Variants in CCDC80 observed in about 807,000 individuals in gnomAD.
CCDC80 encodes coiled-coil domain containing 80.
CCDC80 carries 49 observed loss-of-function variants against 78.7 expected under a neutral mutation model. The observed-to-expected ratio is 0.62, with a 90% confidence interval of 0.50 to 0.79. The LOEUF is 0.79. CCDC80 is among the 30% of genes least tolerant of loss of function. The pLI, the probability that CCDC80 is intolerant of heterozygous loss-of-function variation, is 0.00. For missense variants in CCDC80, 1,205 were observed against 1,198.6 expected, an observed-to-expected ratio of 1.01 and a Z score of -0.08; for synonymous variants, 488 against 447.0, an observed-to-expected ratio of 1.09 and a Z score of -1.16.
intron 5 of CCDC80, among the ~76,000 whole-genome samples, chr3:112,610,727 A>G (rs1207189741): frequency 6.6e-6 from 1 of 152,030 alleles, no homozygotes; most frequent in East Asian, 1.9e-4. Context: ...AAGTACTTCT[A>G]TAAAGTGGAA....
In CCDC80 at chr3:112,603,661, TAG is replaced by T. The variant is rs1935415281; in HGVS notation, c.*1754_*1755del. The T allele has an allele frequency of 1.3e-5, 2 of 150,956 alleles. No homozygotes were observed. Among genetic ancestry groups the T allele is most frequent in the Non-Finnish European group, 2.9e-5 (2 of 67,838 alleles). 9.4% of individuals were successfully genotyped at this position (150,956 alleles called of 1,614,324 possible). ...ATACCCAGTCACCCAAGAACTTGGA[TAG>T]AGATATACAAGGAGATTAATATTTT... On this transcript the variant is annotated 3_prime_UTR_variant, in exon 8 of 8. Transcript: ENST00000206423.
chr3:112,630,299 C>A (rs903974114), intron 2 of CCDC80, 30 bp from the exon 3 acceptor site: 1 of 1,607,746 alleles, frequency 6.2e-7, no homozygotes, highest in Admixed American at 1.7e-5. Flanking sequence ...AACAAATACT[C>A]ATTTATAGTG....
At chr3:112,612,944 CT>C (rs977212546) in intron 5 of CCDC80, among the ~76,000 whole-genome samples, 10 of 146,784 alleles carry the variant, frequency 6.8e-5, no homozygotes, top group Non-Finnish European at 1.3e-4. Context: ...TCTGGTAGCT[CT>C]TCCTGGATGG....
intron 2 of CCDC80, among the ~76,000 whole-genome samples, chr3:112,635,904 G>T (rs1410536401): frequency 6.6e-6 from 1 of 152,348 alleles, no homozygotes; most frequent in South Asian, 2.1e-4. Flanking sequence ...CACTAAGGGA[G>T]TGGGGAGAAG....
In CCDC80 at chr3:112,605,755, C is replaced by A; in HGVS notation, c.2515G>T (p.Val839Phe). The A allele has an allele frequency of 1.2e-6, 2 of 1,612,914 alleles. No homozygotes were observed. Among genetic ancestry groups the A allele is most frequent in the Non-Finnish European group, 1.7e-6 (2 of 1,179,222 alleles). ...GCTGGTACGTCTTCTCGCTCAACAA[C>A]AGAGCTCCCTAGAATAACATTGGAA... is the stretch of plus-strand genomic sequence containing the variant. ...LELFPINGSS[V>F]VEREDVPAHL... The change falls in exon 8 of 8, where the codon GTT (valine) becomes TTT (phenylalanine). Residue 839 changes from valine to phenylalanine, a missense_variant. Transcript: ENST00000206423.
At chr3:112,625,400 G>C (rs765772419) in intron 3 of CCDC80, among the ~76,000 whole-genome samples, 1 of 152,176 alleles carries the variant, frequency 6.6e-6, no homozygotes, top group Non-Finnish European at 1.5e-5. Flanking sequence ...CTGTTTCTTA[G>C]ACTGTATTGG....
At chr3:112,625,601 A>T (rs901632390) in intron 3 of CCDC80, among the ~76,000 whole-genome samples, 3 of 152,222 alleles carry the variant, frequency 2.0e-5, no homozygotes, top group African/African-American at 7.2e-5. Flanking sequence ...CTCATAAAGA[A>T]AGATCTCCTA....
chr3:112,608,120 A>T (rs1173946577), intron 6 of CCDC80, among the ~76,000 whole-genome samples: 1 of 152,256 alleles, frequency 6.6e-6, no homozygotes, highest in African/African-American at 2.4e-5. Flanking sequence ...TTTGAAGATG[A>T]AGTGGATATG....
intron 3 of CCDC80, among the ~76,000 whole-genome samples, chr3:112,626,791 G>A (rs78475158): frequency 0.018 from 2,698 of 152,252 alleles, 46 homozygotes; most frequent in South Asian, 0.054. Flanking sequence ...CAAGTGATCA[G>A]CCTACGTCGG....
chr3:112,605,293 T>C lies in CCDC80; in HGVS notation c.*124A>G. 1.6e-6 allele frequency: 1 copy of C among 634,340 alleles called. No homozygotes were observed. Among genetic ancestry groups the C allele is most frequent in the Admixed American group, 3.2e-5 (1 of 31,092 alleles). The allele number at this position is 634,340 out of a possible 1,614,324, so 39.3% of individuals were successfully genotyped here. A position where few individuals can be genotyped will look rare whatever the true frequency, so the allele number is the denominator to read the frequency against. ...GTGAAAGTTTGCTATTTATTTAGTC[T>C]TAGAAAAACACTGAAAGAAAAAGGC... On this transcript the variant is annotated 3_prime_UTR_variant, in exon 8 of 8. Coordinates refer to ENST00000206423, the MANE Select transcript of CCDC80 (RefSeq NM_199511.3).
chr3:112,616,687 T>C (rs746828609), intron 5 of CCDC80, 23 bp downstream of exon 5: 4 of 1,613,656 alleles, frequency 2.5e-6, no homozygotes, highest in Non-Finnish European at 3.4e-6. Context: ...CCTTCCTCTT[T>C]AGCGACTCCA....
chr3:112,632,521 A>G (rs1473064479), intron 2 of CCDC80, among the ~76,000 whole-genome samples: 13 of 152,162 alleles, frequency 8.5e-5, no homozygotes, highest in African/African-American at 3.1e-4. Flanking sequence ...GACCCTTACA[A>G]TCTGTGGACA....
At position 112,597,744 on chromosome 3, in the gene CCDC80, T is replaced by C. The variant is rs565990083; in HGVS notation, c.*7673A>G. ...GTGCGTGAAAGGAAGAGCAATGTTATAATTGCATCCTCCTAAAGACTACAT... is the reference window on the plus strand; with the variant it reads ...GTGCGTGAAAGGAAGAGCAATGTTACAATTGCATCCTCCTAAAGACTACAT... On this transcript the variant is annotated 3_prime_UTR_variant, in exon 8 of 8. Coordinates refer to ENST00000206423, the MANE Select transcript of CCDC80 (RefSeq NM_199511.3). 2 of 152,292 alleles carry C rather than the reference T, an allele frequency of 1.3e-5. No individual in the cohort carries two copies. The highest frequency in any genetic ancestry group is 1.3e-4 in the Admixed American group (2 of 15,286). The allele number at this position is 152,292 out of a possible 1,614,324, so 9.4% of individuals were successfully genotyped here. A position where few individuals can be genotyped will look rare whatever the true frequency, so the allele number is the denominator to read the frequency against.
At chr3:112,620,449 T>C (rs1935843274) in intron 3 of CCDC80, among the ~76,000 whole-genome samples, 1 of 152,114 alleles carries the variant, frequency 6.6e-6, no homozygotes, top group Non-Finnish European at 1.5e-5. Flanking sequence ...ATTTTTGTTA[T>C]TAGAAAAAAT....
intron 5 of CCDC80, among the ~76,000 whole-genome samples, chr3:112,615,950 T>C (rs1935730901): frequency 6.6e-6 from 1 of 152,268 alleles, no homozygotes; most frequent in African/African-American, 2.4e-5. Flanking sequence ...GCTCTGTCTA[T>C]GGAGTAGCTG....
Position 112,639,475 on chromosome 3 carries a change from C to T in CCDC80, c.431G>A (p.Ser144Asn). 2.5e-6 allele frequency: 4 copies of T among 1,614,212 alleles called. No individual in the cohort carries two copies. The highest frequency in any genetic ancestry group is 3.4e-6 in the Non-Finnish European group (4 of 1,180,044). ...SGSSSPNILA[S>N]FAGKNRVWVI... ...CCATACTCTGTTCTTCCCTGCAAAG[C>T]TGGCAAGGATGTTGGGAGAGCTGGA... Residue 144 changes from serine (S) to asparagine (N), a missense_variant, in exon 2 of 8, where the codon AGC (serine) becomes AAC (asparagine). By Grantham distance (46) the Ser-to-Asn change is conservative (BLOSUM62 1). Transcript: ENST00000206423.
At chr3:112,615,337 C>T (rs1239918475) in intron 5 of CCDC80, among the ~76,000 whole-genome samples, 1 of 152,086 alleles carries the variant, frequency 6.6e-6, no homozygotes, top group East Asian at 1.9e-4. Context: ...GAGGCTCAAG[C>T]ACTAAATGTG....
At position 112,607,250 on chromosome 3, in the gene CCDC80, C is replaced by T. The variant is rs769345375; in HGVS notation, c.2432G>A (p.Arg811His). The change falls in exon 7 of 8, where the codon CGC becomes CAC. Residue 811 changes from arginine to histidine, a missense_variant. Coordinates refer to ENST00000206423, the MANE Select transcript of CCDC80 (RefSeq NM_199511.3). ...LSGQACNFGLRHITILKLLGV... is the reference protein window; with the variant it reads ...LSGQACNFGLHHITILKLLGV... ...TAAAAGCTTCAGAATGGTTATGTGG[C>T]GCAGACCTGAGAGAAAAAAGAAAAC... 1.1e-5 allele frequency: 17 copies of T among 1,612,600 alleles called. No homozygotes were observed. The highest frequency in any genetic ancestry group is 6.6e-5 in the South Asian group (6 of 90,784).
At chr3:112,637,684 C>G (rs1050333764) in intron 2 of CCDC80, among the ~76,000 whole-genome samples, 1 of 152,146 alleles carries the variant, frequency 6.6e-6, no homozygotes, top group East Asian at 1.9e-4. Flanking sequence ...AGAGCTTTGT[C>G]CAGAAATATC....
Sources: gnomAD v4.1 joint callset for allele counts (sites outside exome capture counted in the v4.1 genomes callset) on GRCh38, gnomAD v4.1.1 for gene constraint, MANE v1.5 for transcripts, NCBI Gene and HGNC (gene_info 2026-07-23, HGNC 2026-07-21) for gene names.